The following GRIK3 variants were observed in gnomAD, a reference collection of about 807,000 sequenced individuals.
GRIK3 encodes glutamate receptor ionotropic, kainate 3.
A neutral mutation model predicts 102.5 loss-of-function variants in GRIK3; 29 were observed. That is an observed-to-expected ratio of 0.28 (90% CI 0.21 to 0.39). The LOEUF (loss-of-function observed/expected upper bound fraction) is 0.39, where lower values mean the gene tolerates loss of function less well. Ranked by LOEUF, GRIK3 falls within the 10% of genes least tolerant of loss-of-function variation. GRIK3 has a pLI of 1.00. For synonymous variants in GRIK3, 511 were observed against 504.9 expected (o/e 1.01, Z -0.16); for missense variants, 908 against 1,252.4 (o/e 0.73, Z 4.15).
intron 1 of GRIK3, among the ~76,000 whole-genome samples, chr1:36,952,185 G>A (rs891269431): frequency 6.6e-6 from 1 of 152,160 alleles, no homozygotes. Context: ...ACTCAGCCAC[G>A]AGAGCCTACT....
intron 1 of GRIK3, among the ~76,000 whole-genome samples, chr1:36,965,899 G>A (rs74064823): frequency 0.025 from 3,782 of 152,260 alleles, 128 homozygotes; most frequent in African/African-American, 0.077. Flanking sequence ...CCATAAAGTC[G>A]GGGGCTCCCA....
At chr1:36,934,427 C>T (rs1641631611) in intron 1 of GRIK3, among the ~76,000 whole-genome samples, 1 of 152,182 alleles carries the variant, frequency 6.6e-6, no homozygotes, top group Non-Finnish European at 1.5e-5. Context: ...GATCTTGTTT[C>T]ATTTCCTTAA....
chr1:36,930,068 T>A (rs1451282959), intron 1 of GRIK3, among the ~76,000 whole-genome samples: 3 of 152,174 alleles, frequency 2.0e-5, no homozygotes, highest in Non-Finnish European at 4.4e-5. Context: ...AAGGTGGAGG[T>A]GGCAATGTCT....
chr1:36,898,315 TGAG>T (rs1641195574), intron 1 of GRIK3, among the ~76,000 whole-genome samples: 1 of 152,208 alleles, frequency 6.6e-6, no homozygotes, highest in African/African-American at 2.4e-5. Flanking sequence ...GATAAATACT[TGAG>T]GGGATGGCTA....
intron 1 of GRIK3, among the ~76,000 whole-genome samples, chr1:36,970,750 G>T (rs1642131550): frequency 6.6e-6 from 1 of 152,166 alleles, no homozygotes; most frequent in Non-Finnish European, 1.5e-5. Context: ...TCATGGGTCT[G>T]CCATGCTCAC....
chr1:36,989,167 C>T (rs916280418), intron 1 of GRIK3, among the ~76,000 whole-genome samples: 1 of 152,180 alleles, frequency 6.6e-6, no homozygotes, highest in Admixed American at 6.5e-5. Context: ...CTCCATGGTC[C>T]CGCAACCAAG....
intron 10 of GRIK3, among the ~76,000 whole-genome samples, chr1:36,832,792 C>T (rs188839636): frequency 5.8e-4 from 88 of 152,316 alleles, no homozygotes; most frequent in East Asian, 2.3e-3. Flanking sequence ...CCATGGACTC[C>T]GTGTCCCTTC....
At chr1:36,892,804 A>G (rs1474738596) in intron 1 of GRIK3, among the ~76,000 whole-genome samples, 2 of 152,238 alleles carry the variant, frequency 1.3e-5, no homozygotes, top group Non-Finnish European at 2.9e-5. Flanking sequence ...CAAATAATTA[A>G]ATTCATGTTC....
intron 2 of GRIK3, among the ~76,000 whole-genome samples, chr1:36,881,212 A>G (rs1475827949): frequency 6.6e-6 from 1 of 152,152 alleles, no homozygotes; most frequent in East Asian, 1.9e-4. Flanking sequence ...TGGGATTAGC[A>G]TCACCATCTC....
At chr1:36,985,478 T>C (rs1642294722) in intron 1 of GRIK3, among the ~76,000 whole-genome samples, 1 of 152,170 alleles carries the variant, frequency 6.6e-6, no homozygotes, top group South Asian at 2.1e-4. Flanking sequence ...CCTTGATCTC[T>C]GGAGTGGGGG....
At chr1:36,842,930 C>A (rs770816669) in intron 9 of GRIK3, among the ~76,000 whole-genome samples, 1 of 152,126 alleles carries the variant, frequency 6.6e-6, no homozygotes, top group South Asian at 2.1e-4. Flanking sequence ...CAGGGGCAGG[C>A]GATCCCCAGG....
At chr1:37,006,140 G>A (rs1162546425) in intron 1 of GRIK3, among the ~76,000 whole-genome samples, 2 of 152,198 alleles carry the variant, frequency 1.3e-5, no homozygotes, top group Non-Finnish European at 2.9e-5. Context: ...TCCTTTTGAA[G>A]GCTGTCTGCA....
At chr1:36,932,877 C>T (rs1641611282) in intron 1 of GRIK3, among the ~76,000 whole-genome samples, 1 of 152,128 alleles carries the variant, frequency 6.6e-6, no homozygotes, top group Admixed American at 6.5e-5. Context: ...GGGCCTGGCA[C>T]ATAAATCTAT....
intron 1 of GRIK3, among the ~76,000 whole-genome samples, chr1:37,030,231 C>T (rs887115278): frequency 6.6e-6 from 1 of 152,346 alleles, no homozygotes; most frequent in East Asian, 1.9e-4. Flanking sequence ...CTGCTGTCTG[C>T]TCCTACAAGG....
chr1:36,829,365 C>T (rs573866314), intron 10 of GRIK3, among the ~76,000 whole-genome samples: 6 of 151,442 alleles, frequency 4.0e-5, no homozygotes, highest in Admixed American at 1.3e-4. Flanking sequence ...CAAGTCTATT[C>T]GAGGAATACA....
intron 1 of GRIK3, among the ~76,000 whole-genome samples, chr1:37,027,977 C>CCCAG (rs1642781005): frequency 6.6e-6 from 1 of 152,152 alleles, no homozygotes; most frequent in Non-Finnish European, 1.5e-5. Flanking sequence ...CACAGCAACA[C>CCCAG]ATGTTCCAGG....
chr1:36,805,208 C>A lies in GRIK3; in HGVS notation c.2344G>T (p.Ala782Ser). The stretch of plus-strand genomic sequence containing the variant: ...TCCTCCTCCTGAAGCTGCAGGATGG[C>A]GATGGTGATCTTGTCCCGGTATGGG... ...GSPYRDKITI[A>S]ILQLQEEDKL... is the part of the protein sequence containing the mutation. The change falls in exon 15 of 16, where the codon GCC becomes TCC. Residue 782 changes from alanine to serine, a missense_variant. By Grantham distance (99) the Ala-to-Ser change is moderately conservative (BLOSUM62 1). Around this residue, in one of 3 missense-constraint regions of GRIK3, gnomAD observed 297 missense variants for 362.7 expected, o/e 0.82. Coordinates refer to ENST00000373091, the MANE Select transcript of GRIK3 (RefSeq NM_000831.4). 6.2e-7 allele frequency: 1 copy of A among 1,613,128 alleles called. No homozygotes were observed. The highest frequency in any genetic ancestry group is 8.5e-7 in the Non-Finnish European group (1 of 1,179,404).
intron 1 of GRIK3, among the ~76,000 whole-genome samples, chr1:36,941,579 G>A (rs58144108): frequency 0.2 from 30,285 of 151,866 alleles, 3,338 homozygotes; most frequent in African/African-American, 0.28. Flanking sequence ...GTATAAAGGC[G>A]CCCCTCCCAC....
chr1:36,987,598 C>T (rs1330153368), intron 1 of GRIK3, among the ~76,000 whole-genome samples: 1 of 152,150 alleles, frequency 6.6e-6, no homozygotes, highest in East Asian at 1.9e-4. Flanking sequence ...ATCCATTATT[C>T]ACCAAGGCTG....
Sources: gnomAD v4.1 joint callset for allele counts (sites outside exome capture counted in the v4.1 genomes callset) on GRCh38, gnomAD v4.1.1 for gene constraint, gnomAD v4.1.1 regional missense constraint, MANE v1.5 for transcripts, NCBI Gene and HGNC (gene_info 2026-07-23, HGNC 2026-07-21) for gene names.